ANK2: variants seen among roughly 807,000 people sequenced by gnomAD.
ANK2 encodes ankyrin 2.
A neutral mutation model predicts 360.5 loss-of-function variants in ANK2; 83 were observed. The observed-to-expected ratio is 0.23, with a 90% confidence interval of 0.19 to 0.28. The LOEUF is 0.28. Ranked by LOEUF, ANK2 falls within the 10% of genes least tolerant of loss-of-function variation. ANK2 has a pLI of 1.00. For missense variants in ANK2, 4,201 were observed against 4,795.7 expected (o/e 0.88, Z 3.66); for synonymous variants, 1,740 against 1,759.5 (o/e 0.99, Z 0.28).
the ANK2 span, among the ~76,000 whole-genome samples, chr4:112,722,036 T>G: frequency 6.6e-6 from 1 of 152,250 alleles, no homozygotes; most frequent in Admixed American, 6.5e-5. Context: ...GGTTTTATTT[T>G]GTTAACTGTA....
chr4:112,943,465 G>C (rs2094363110), intron 2 of ANK2, among the ~76,000 whole-genome samples: 1 of 151,858 alleles, frequency 6.6e-6, no homozygotes, highest in African/African-American at 2.4e-5. Context: ...TCAGATTCCT[G>C]TTACTGATCT....
At position 113,354,233 on chromosome 4, in the gene ANK2, C is replaced by T. The variant is rs775953030; in HGVS notation, c.5615C>T (p.Ser1872Leu). Residue 1872 changes from serine to leucine, a missense_variant, in exon 38 of 46, where the codon TCG becomes TTG. By Grantham distance (145) the Ser-to-Leu change is moderately radical (BLOSUM62 -2). This residue lies in a region of ANK2 where 2,642 missense variants were observed against 2,714.5 expected (regional missense o/e 0.97). Coordinates refer to ENST00000357077, the MANE Select transcript of ANK2 (RefSeq NM_001148.6). Reference protein sequence around the residue: ...KTERHSPASSSSKTEKHSPVS... With the variant: ...KTERHSPASSLSKTEKHSPVS... ...GAAAGACATTCACCTGCGTCATCATCGAGTAAAACTGAGAAACACTCACCT... is the reference window on the plus strand; with the variant it reads ...GAAAGACATTCACCTGCGTCATCATTGAGTAAAACTGAGAAACACTCACCT... 5.0e-6 allele frequency: 8 copies of T among 1,614,008 alleles called. No homozygotes were observed. The highest frequency in any genetic ancestry group is 1.7e-5 in the Admixed American group (1 of 59,998).
At chr4:113,058,179 C>T (rs1379933121) in intron 1 of ANK2, among the ~76,000 whole-genome samples, 6 of 152,044 alleles carry the variant, frequency 3.9e-5, no homozygotes, top group African/African-American at 1.4e-4. Flanking sequence ...ATAGCCAGTG[C>T]CACTTCAAAG....
chr4:112,729,931 T>C, the ANK2 span, among the ~76,000 whole-genome samples: 4 of 152,160 alleles, frequency 2.6e-5, no homozygotes, highest in East Asian at 1.9e-4. Context: ...ATCTCACTTA[T>C]ATGAAATCTA....
chr4:112,975,671 G>A (rs1254239047), intron 2 of ANK2, among the ~76,000 whole-genome samples: 3 of 152,158 alleles, frequency 2.0e-5, no homozygotes, highest in East Asian at 1.9e-4. Flanking sequence ...CTGGAAGCAA[G>A]TAATCTCCTT....
At chr4:113,184,986 G>A (rs917664908) in intron 2 of ANK2, among the ~76,000 whole-genome samples, 4 of 152,066 alleles carry the variant, frequency 2.6e-5, no homozygotes, top group African/African-American at 9.7e-5. Context: ...TTAATTTGCT[G>A]GGAATGATGG....
At chr4:113,374,048 C>T (rs934676966) in intron 45 of ANK2, among the ~76,000 whole-genome samples, 9 of 152,132 alleles carry the variant, frequency 5.9e-5, no homozygotes, top group Non-Finnish European at 5.9e-5. Context: ...TTCAGCCTCC[C>T]GAGTAGCTGG....
chr4:112,787,569 A>G, the ANK2 span, among the ~76,000 whole-genome samples: 18 of 152,230 alleles, frequency 1.2e-4, no homozygotes, highest in African/African-American at 4.1e-4. Context: ...GATAGTCTGG[A>G]CTAATTTCCA....
At chr4:112,969,344 A>C (rs565346804) in intron 2 of ANK2, among the ~76,000 whole-genome samples, 1 of 152,168 alleles carries the variant, frequency 6.6e-6, no homozygotes, top group African/African-American at 2.4e-5. Flanking sequence ...CTGACTACCT[A>C]TCTACAGGCA....
intron 2 of ANK2, chr4:113,034,641 T>G (rs932439428): frequency 6.6e-6 from 1 of 152,138 alleles, no homozygotes; most frequent in Middle Eastern, 3.4e-3. Context: ...TGAAGAAATA[T>G]TGACAATCTT....
intron 23 of ANK2, among the ~76,000 whole-genome samples, chr4:113,310,175 G>T (rs2079177222): frequency 3.9e-5 from 6 of 152,192 alleles, no homozygotes; most frequent in Admixed American, 3.9e-4. Flanking sequence ...AAGGAGTTTT[G>T]TGGATTTTTA....
intron 2 of ANK2, among the ~76,000 whole-genome samples, chr4:113,013,568 A>G (rs1343206870): frequency 6.6e-6 from 1 of 152,210 alleles, no homozygotes; most frequent in African/African-American, 2.4e-5. Flanking sequence ...AGAGTTAACT[A>G]CTTTTAACAT....
At chr4:113,095,186 A>G (rs1321027378) in intron 1 of ANK2, among the ~76,000 whole-genome samples, 1 of 152,206 alleles carries the variant, frequency 6.6e-6, no homozygotes, top group Non-Finnish European at 1.5e-5. Context: ...GCTTGACTGC[A>G]GTTATTACTC....
chr4:112,901,661 G>T (rs1158276328), intron 1 of ANK2, among the ~76,000 whole-genome samples: 2 of 152,056 alleles, frequency 1.3e-5, no homozygotes, highest in Non-Finnish European at 2.9e-5. Context: ...AGGAGTTCGA[G>T]ACCAGCCTGA....
intron 1 of ANK2, among the ~76,000 whole-genome samples, chr4:112,841,161 C>A (rs531257982): frequency 1.4e-5 from 1 of 73,752 alleles, no homozygotes; most frequent in South Asian, 4.7e-4. Flanking sequence ...CAGATCTGGT[C>A]CTTCACTGCC....
chr4:113,309,343 G>C (rs1451117163), intron 23 of ANK2, among the ~76,000 whole-genome samples: 1 of 152,188 alleles, frequency 6.6e-6, no homozygotes, highest in Non-Finnish European at 1.5e-5. Context: ...GCCACCCCAG[G>C]TGTATATGAA....
chr4:112,970,376 A>G (rs2039068607), intron 2 of ANK2, among the ~76,000 whole-genome samples: 1 of 151,926 alleles, frequency 6.6e-6, no homozygotes, highest in Non-Finnish European at 1.5e-5. Context: ...TATTTTAAAG[A>G]TGTAGTCTCA....
chr4:113,025,844 A>C (rs2059170584), intron 2 of ANK2, among the ~76,000 whole-genome samples: 1 of 152,200 alleles, frequency 6.6e-6, no homozygotes, highest in Non-Finnish European at 1.5e-5. Flanking sequence ...ACTAATGTGG[A>C]GGAATGGCTG....
chr4:112,872,459 T>C (rs1399888598), intron 1 of ANK2, among the ~76,000 whole-genome samples: 1 of 152,074 alleles, frequency 6.6e-6, no homozygotes, highest in Admixed American at 6.6e-5. Flanking sequence ...CGCCTCAGCC[T>C]CCCGAGTAGC....
Sources: allele counts gnomAD v4.1 joint callset (sites outside exome capture counted in the v4.1 genomes callset), GRCh38; gene constraint gnomAD v4.1.1; regional missense constraint gnomAD v4.1.1; transcripts MANE v1.5; gene names NCBI Gene and HGNC (gene_info 2026-07-23, HGNC 2026-07-21).